The following MALRD1 variants were observed in gnomAD, a reference collection of about 807,000 sequenced individuals.
MALRD1 encodes MAM and LDL-receptor class A domain-containing protein 1.
A neutral mutation model predicts 242.1 loss-of-function variants in MALRD1; 247 were observed. The observed-to-expected ratio is 1.02, with a 90% CI of 0.92 to 1.13. The LOEUF is 1.13. MALRD1 is among the 50% of genes most tolerant of loss of function. The pLI is 0.00. For synonymous variants in MALRD1, 995 were observed against 866.6 expected, an observed-to-expected ratio of 1.15 and a Z score of -2.60; for missense variants, 2,989 against 2,533.1, an observed-to-expected ratio of 1.18 and a Z score of -3.86.
intron 28 of MALRD1, among the ~76,000 whole-genome samples, chr10:19,429,940 C>T (rs546481465): frequency 6.6e-6 from 1 of 152,134 alleles, no homozygotes; most frequent in South Asian, 2.1e-4. Flanking sequence ...TAGACGCTTT[C>T]AGAATATGGC....
At chr10:19,647,214 A>G (rs1373701503) in intron 36 of MALRD1, among the ~76,000 whole-genome samples, 3 of 152,238 alleles carry the variant, frequency 2.0e-5, no homozygotes, top group East Asian at 1.9e-4. Flanking sequence ...CAAATTTGCA[A>G]TGTACGCCCT....
At chr10:19,222,885 G>T (rs1180877215) in intron 18 of MALRD1, among the ~76,000 whole-genome samples, 2 of 152,116 alleles carry the variant, frequency 1.3e-5, no homozygotes, top group East Asian at 3.8e-4. Context: ...AAAAAGGTGT[G>T]GGGCCTCTTT....
chr10:19,326,435 C>G (rs1843138253), intron 22 of MALRD1, among the ~76,000 whole-genome samples: 1 of 151,952 alleles, frequency 6.6e-6, no homozygotes, highest in Admixed American at 6.6e-5. Flanking sequence ...AATAAAATAA[C>G]ATTAAATGTT....
chr10:19,099,591 G>A (rs2358307), intron 4 of MALRD1, among the ~76,000 whole-genome samples: 81,817 of 151,000 alleles, frequency 0.54, 22,291 homozygotes, highest in Middle Eastern at 0.6. Context: ...TCCTTTATAT[G>A]TATATATATT....
chr10:19,239,191 T>C (rs1430457101), intron 18 of MALRD1, among the ~76,000 whole-genome samples: 1 of 152,000 alleles, frequency 6.6e-6, no homozygotes, highest in Non-Finnish European at 1.5e-5. Context: ...GCTGAGTAGC[T>C]GGGGTTACAG....
intron 30 of MALRD1, among the ~76,000 whole-genome samples, chr10:19,495,184 C>T (rs1367023930): frequency 6.6e-6 from 1 of 151,964 alleles, no homozygotes; most frequent in Non-Finnish European, 1.5e-5. Flanking sequence ...GCCATGTTGG[C>T]CAGGCTGGTT....
At chr10:19,225,748 C>G (rs954950290) in intron 18 of MALRD1, among the ~76,000 whole-genome samples, 1 of 152,160 alleles carries the variant, frequency 6.6e-6, no homozygotes, top group African/African-American at 2.4e-5. Context: ...TAGGCAGCAG[C>G]CAGGCTCTGC....
intron 29 of MALRD1, among the ~76,000 whole-genome samples, chr10:19,477,283 A>G (rs1268689842): frequency 2.6e-5 from 4 of 152,168 alleles, no homozygotes; most frequent in African/African-American, 7.2e-5. Context: ...AAAATTGTCA[A>G]TGAATTAACT....
At chr10:19,085,838 T>C (rs1255497755) in intron 2 of MALRD1, among the ~76,000 whole-genome samples, 1 of 152,038 alleles carries the variant, frequency 6.6e-6, no homozygotes, top group Non-Finnish European at 1.5e-5. Flanking sequence ...ATAATTTTTC[T>C]GTTTATCTCA....
chr10:19,338,092 A>G (rs1259375424), intron 24 of MALRD1, among the ~76,000 whole-genome samples: 1 of 150,880 alleles, frequency 6.6e-6, no homozygotes, highest in African/African-American at 2.4e-5. Flanking sequence ...AAGTACATAT[A>G]CTCCTTCTTT....
At chr10:19,531,486 G>C in intron 32 of MALRD1, 135 bp downstream of exon 32, 1 of 864,372 alleles carries the variant, frequency 1.2e-6, no homozygotes, top group Non-Finnish European at 1.7e-6. Flanking sequence ...ATTTCTTTCT[G>C]GGGCAGTGGG....
At chr10:19,507,457 T>G (rs1001396662) in intron 31 of MALRD1, among the ~76,000 whole-genome samples, 3 of 152,116 alleles carry the variant, frequency 2.0e-5, no homozygotes, top group East Asian at 1.9e-4. Context: ...GAATTAGAAC[T>G]GATTATTTAG....
At chr10:19,281,792 CA>C (rs1840825582) in intron 20 of MALRD1, among the ~76,000 whole-genome samples, 2 of 151,864 alleles carry the variant, frequency 1.3e-5, no homozygotes. Flanking sequence ...GCCAACATGG[CA>C]AAACCCCATC....
Position 19,094,493 on chromosome 10 carries a change from G to A in MALRD1, c.597+6308G>A, listed in dbSNP as rs376590211. On this transcript the variant is annotated intron_variant, in intron 4 of 39. Transcript: ENST00000454679. ...CACACTGGCCTGCGCCCACTGTCTG[G>A]CACTCCCTAGTGAGATGAACCCGGT... Among the ~76,000 whole-genome samples the A allele has an allele frequency of 1.5e-4, 23 of 149,782 alleles. No homozygotes were observed. The South Asian group carries it at 2.4e-3, about 15-fold the overall frequency.
chr10:19,312,780 G>C (rs1279123081), intron 21 of MALRD1, among the ~76,000 whole-genome samples: 1 of 151,258 alleles, frequency 6.6e-6, no homozygotes, highest in African/African-American at 2.4e-5. Flanking sequence ...ATGAAATTTA[G>C]ATGACATTTA....
At chr10:19,487,634 A>G (rs966776665) in intron 29 of MALRD1, among the ~76,000 whole-genome samples, 1 of 152,146 alleles carries the variant, frequency 6.6e-6, no homozygotes, top group Admixed American at 6.5e-5. Context: ...GAAAAATAAA[A>G]TAATCTCAAA....
intron 36 of MALRD1, among the ~76,000 whole-genome samples, chr10:19,637,301 A>G (rs1840181914): frequency 6.6e-6 from 1 of 152,192 alleles, no homozygotes; most frequent in South Asian, 2.1e-4. Context: ...CAAACAAACA[A>G]AAAAAGAGGT....
chr10:19,604,741 A>T (rs1397629356), intron 34 of MALRD1, among the ~76,000 whole-genome samples: 1 of 152,154 alleles, frequency 6.6e-6, no homozygotes, highest in African/African-American at 2.4e-5. Flanking sequence ...CTAAAAACTA[A>T]ATATTTTCTA....
At chr10:19,569,521 A>G (rs1589250562) in intron 33 of MALRD1, among the ~76,000 whole-genome samples, 1 of 151,512 alleles carries the variant, frequency 6.6e-6, no homozygotes, top group East Asian at 1.9e-4. Context: ...TATTTTTAGA[A>G]CATTTGCTTT....
Sources: allele counts gnomAD v4.1 joint callset (sites outside exome capture counted in the v4.1 genomes callset), GRCh38; gene constraint gnomAD v4.1.1; transcripts MANE v1.5; gene names NCBI Gene and HGNC (gene_info 2026-07-23, HGNC 2026-07-21).